DCAF8L2: variants seen among roughly 807,000 people sequenced by gnomAD.
DCAF8L2 encodes DDB1 and CUL4 associated factor 8 like 2, also known as DDB1- and CUL4-associated factor 8-like protein 2.
For missense variants in DCAF8L2, 430 were observed against 490.7 expected (o/e 0.88, Z 1.17); for synonymous variants, 200 against 190.9 (o/e 1.05, Z -0.39).
chrX:27,646,654 A>G (rs1182162888), intron 2 of DCAF8L2, among the ~76,000 whole-genome samples: 1 of 111,370 alleles, frequency 9.0e-6, no homozygotes, highest in Non-Finnish European at 1.9e-5. Flanking sequence ...TTTGCAATCT[A>G]TCCATCTGAA....
chrX:27,747,269 G>GGGAGGAGGAGGAAGA lies in DCAF8L2; in HGVS notation c.387_401dup (p.Glu143_Glu147dup). On this transcript the variant is annotated inframe_insertion, in exon 5 of 5. Transcript: ENST00000451261. ...GACGAAGAGATACAAGAGGAGGGAGGGGAGGAGGAGGAAGAGGAGGAGGAG... is the reference window on the plus strand; with the variant it reads ...GACGAAGAGATACAAGAGGAGGGAGGGGAGGAGGAGGAAGAGGAGGAGGAGGAAGAGGAGGAGGAG... The GGGAGGAGGAGGAAGA allele has an allele frequency of 9.1e-7, 1 of 1,101,621 alleles. No individual in the cohort carries two copies. The highest frequency in any genetic ancestry group is 2.8e-5 in the Admixed American group (1 of 35,538). 90.8% of individuals were successfully genotyped at this position (1,101,621 alleles called of 1,213,427 possible).
chrX:27,592,251 C>T (rs771306182), intron 1 of DCAF8L2, among the ~76,000 whole-genome samples: 22 of 112,191 alleles, frequency 2.0e-4, no homozygotes, highest in Non-Finnish European at 3.2e-4. Context: ...TGCCATCTGG[C>T]ATCCTCACAC....
chrX:27,616,513 A>G (rs941574502), intron 1 of DCAF8L2, among the ~76,000 whole-genome samples: 8 of 111,834 alleles, frequency 7.2e-5, no homozygotes. Flanking sequence ...AGAGCAATTC[A>G]ATTGAAATTA....
At chrX:27,473,864 A>G in the DCAF8L2 span, among the ~76,000 whole-genome samples, 1 of 111,630 alleles carries the variant, frequency 9.0e-6, no homozygotes, top group Non-Finnish European at 1.9e-5. Context: ...TGGAAATAAG[A>G]GAGGAAGAAT....
At chrX:27,514,621 A>T in the DCAF8L2 span, among the ~76,000 whole-genome samples, 30 of 80,991 alleles carry the variant, frequency 3.7e-4, no homozygotes, top group Admixed American at 3.3e-3. Context: ...GTGAGCCGAG[A>T]TCCCGCCACT....
At chrX:27,586,370 C>T (rs1925903146), upstream of DCAF8L2, among the ~76,000 whole-genome samples, 1 of 111,421 alleles carries the variant, frequency 9.0e-6, no homozygotes, top group Non-Finnish European at 1.9e-5. Flanking sequence ...TGTCTGTCAC[C>T]TAAAGGTAGT....
chrX:27,545,824 G>C, the DCAF8L2 span, among the ~76,000 whole-genome samples: 1 of 111,811 alleles, frequency 8.9e-6, no homozygotes, highest in Non-Finnish European at 1.9e-5. Context: ...AGGTGAGAGA[G>C]AGAGCACGTG....
the DCAF8L2 span, among the ~76,000 whole-genome samples, chrX:27,566,804 T>C: frequency 9.0e-6 from 1 of 111,145 alleles, no homozygotes; most frequent in South Asian, 3.8e-4. Flanking sequence ...TTCCTTGAGG[T>C]ATAAAGTTAG....
chrX:27,600,889 T>A (rs978540576), intron 1 of DCAF8L2, among the ~76,000 whole-genome samples: 6 of 111,900 alleles, frequency 5.4e-5, no homozygotes, highest in African/African-American at 1.9e-4. Flanking sequence ...AAGTTCATTG[T>A]TCTTTATGAA....
At chrX:27,496,593 G>T in the DCAF8L2 span, among the ~76,000 whole-genome samples, 24,106 of 110,914 alleles carry the variant, frequency 0.22, 2,461 homozygotes, top group African/African-American at 0.39. Flanking sequence ...CTTCTCAATA[G>T]CCCTTTCTGT....
At chrX:27,643,536 G>C (rs1378337467) in intron 2 of DCAF8L2, among the ~76,000 whole-genome samples, 1 of 111,723 alleles carries the variant, frequency 9.0e-6, no homozygotes, top group Non-Finnish European at 1.9e-5. Flanking sequence ...CCAGCAGTTT[G>C]ATAAAAATAC....
chrX:27,474,142 G>C, the DCAF8L2 span, among the ~76,000 whole-genome samples: 454 of 111,006 alleles, frequency 4.1e-3, 1 homozygote, highest in Non-Finnish European at 7.2e-3. Context: ...TCCCCACGCA[G>C]AAAATAGTTC....
intron 2 of DCAF8L2, among the ~76,000 whole-genome samples, chrX:27,668,698 ATCCCAGCACT>A (rs1430382943): frequency 1.8e-5 from 2 of 112,081 alleles, no homozygotes; most frequent in Non-Finnish European, 3.8e-5. Context: ...CACGCCCATA[ATCCCAGCACT>A]TTGGGAGGCC....
intron 4 of DCAF8L2, among the ~76,000 whole-genome samples, chrX:27,717,549 T>C (rs1467937262): frequency 8.9e-6 from 1 of 112,513 alleles, no homozygotes; most frequent in African/African-American, 3.2e-5. Flanking sequence ...AAGTGTCTGT[T>C]CATGTCCTTT....
rs1268571300 is a variant in DCAF8L2, at chrX:27,747,309, G to GGAA, written c.416_417insAGA (p.Glu147dup). ...AGGAGGAGGAGGAGGAGGAGGAGGA[G>GGAA]GAGGAGGAGGAGGAGGAGGAAGAAG... On this transcript the variant is annotated inframe_insertion, in exon 5 of 5. Transcript: ENST00000451261. 3 of 1,132,488 alleles carry GGAA rather than the reference G, an allele frequency of 2.6e-6. No homozygotes were observed. Among genetic ancestry groups the GGAA allele is most frequent in the East Asian group, 6.6e-5 (2 of 30,353 alleles). The allele number at this position is 1,132,488 out of a possible 1,213,427, so 93.3% of individuals were successfully genotyped here. A position where few individuals can be genotyped will look rare whatever the true frequency, so the allele number is the denominator to read the frequency against.
intron 2 of DCAF8L2, among the ~76,000 whole-genome samples, chrX:27,671,056 G>A (rs760204120): frequency 7.3e-4 from 82 of 111,756 alleles, no homozygotes; most frequent in African/African-American, 2.5e-3. Context: ...ACACACTGGG[G>A]AGGGGGTGGT....
upstream of DCAF8L2, among the ~76,000 whole-genome samples, chrX:27,586,571 C>T (rs1010120126): frequency 2.7e-5 from 3 of 111,323 alleles, no homozygotes; most frequent in African/African-American, 9.8e-5. Context: ...CATCCTGGCT[C>T]ACTTTATTAT....
chrX:27,581,895 A>T, the DCAF8L2 span, among the ~76,000 whole-genome samples: 105 of 112,172 alleles, frequency 9.4e-4, 1 homozygote, highest in African/African-American at 3.3e-3. Context: ...GATTTAATAC[A>T]CTTTTAAATT....
At chrX:27,484,644 A>C in the DCAF8L2 span, among the ~76,000 whole-genome samples, 1 of 111,686 alleles carries the variant, frequency 9.0e-6, no homozygotes, top group Non-Finnish European at 1.9e-5. Flanking sequence ...TTTTATTTTC[A>C]TAAAACATTA....
Sources: allele counts gnomAD v4.1 joint callset (sites outside exome capture counted in the v4.1 genomes callset), GRCh38; gene constraint gnomAD v4.1.1; transcripts MANE v1.5; gene names NCBI Gene and HGNC (gene_info 2026-07-23, HGNC 2026-07-21).